CCDC149: variants seen among roughly 807,000 people sequenced by gnomAD.
CCDC149 encodes the protein coiled-coil domain containing 149, also known as coiled-coil domain-containing protein 149.
A neutral mutation model predicts 59.9 loss-of-function variants in CCDC149; 45 were observed. The ratio of observed to expected loss-of-function variants is 0.75; its 90% CI spans 0.59 to 0.96. The LOEUF (loss-of-function observed/expected upper bound fraction) is 0.96. Ranked by LOEUF, CCDC149 falls within the 40% of genes least tolerant of loss-of-function variation. The pLI is 0.00. For missense variants in CCDC149, 584 were observed against 664.7 expected (o/e 0.88, Z 1.33); for synonymous variants, 245 against 260.6 (o/e 0.94, Z 0.58).
intron 4 of CCDC149, among the ~76,000 whole-genome samples, chr4:24,840,136 AAAAGT>A (rs796703169): frequency 1.6e-4 from 25 of 152,340 alleles, no homozygotes; most frequent in African/African-American, 5.8e-4. Context: ...ATGACTAAAG[AAAAGT>A]AAAGTGCATT....
At chr4:24,818,348 G>A (rs1396290160) in intron 12 of CCDC149, among the ~76,000 whole-genome samples, 10 of 152,146 alleles carry the variant, frequency 6.6e-5, no homozygotes, top group Non-Finnish European at 4.4e-5. Flanking sequence ...GGGAAATGTG[G>A]GTGTAACTCT....
At chr4:24,935,543 T>A (rs973394057) in intron 1 of CCDC149, among the ~76,000 whole-genome samples, 10 of 152,120 alleles carry the variant, frequency 6.6e-5, no homozygotes, top group Middle Eastern at 3.4e-3. Flanking sequence ...CCCTCATGAG[T>A]GGGATTCGTG....
At position 24,940,064 on chromosome 4, in the gene CCDC149, G is replaced by A. The variant is rs371363026; in HGVS notation, c.-65+40005C>T. On this transcript the variant is annotated intron_variant, in intron 1 of 12. Transcript: ENST00000389609. The stretch of plus-strand genomic sequence containing the variant: ...AGAGAATGCCACAAAGATACTCCTC[G>A]AGAAGAGCAACTCCAAGACACATAA... Among the ~76,000 whole-genome samples the A allele has an allele frequency of 3.8e-4, 58 of 152,242 alleles. 2 individuals carry two copies. In the Middle Eastern group the frequency reaches 0.01, roughly 27 times the overall value.
At chr4:24,822,849 C>A in intron 9 of CCDC149, 1 of 267,932 alleles carries the variant, frequency 3.7e-6, no homozygotes, top group Non-Finnish European at 6.9e-6. Context: ...AATGATGACT[C>A]CACCGCTGCC....
At chr4:24,938,839 G>C (rs1287484563) in intron 1 of CCDC149, among the ~76,000 whole-genome samples, 1 of 152,242 alleles carries the variant, frequency 6.6e-6, no homozygotes, top group Admixed American at 6.5e-5. Context: ...CATCAGCGAG[G>C]CTGGGTGAGG....
At chr4:24,923,874 C>T (rs1722366913) in intron 1 of CCDC149, among the ~76,000 whole-genome samples, 1 of 152,198 alleles carries the variant, frequency 6.6e-6, no homozygotes, top group Non-Finnish European at 1.5e-5. Context: ...AGACAGGTTG[C>T]CAGGGCAGCC....
intron 4 of CCDC149, among the ~76,000 whole-genome samples, chr4:24,843,107 C>T (rs185304156): frequency 4.6e-5 from 7 of 152,360 alleles, no homozygotes; most frequent in African/African-American, 1.4e-4. Flanking sequence ...GTGGAGATCA[C>T]TTTACCACAA....
At chr4:24,933,883 G>C (rs1405418375) in intron 1 of CCDC149, among the ~76,000 whole-genome samples, 1 of 152,144 alleles carries the variant, frequency 6.6e-6, no homozygotes, top group Non-Finnish European at 1.5e-5. Flanking sequence ...TGGTTCTTCT[G>C]CTCCATGTGA....
intron 4 of CCDC149, among the ~76,000 whole-genome samples, chr4:24,839,002 T>A (rs1324273447): frequency 2.4e-4 from 13 of 54,750 alleles, no homozygotes; most frequent in Non-Finnish European, 3.4e-4. Flanking sequence ...TACTAAGAAC[T>A]CTCTCTCTCT....
intron 1 of CCDC149, among the ~76,000 whole-genome samples, chr4:24,882,476 A>G (rs926600035): frequency 6.6e-5 from 10 of 152,194 alleles, no homozygotes; most frequent in Admixed American, 6.5e-5. Flanking sequence ...GGGATAAATG[A>G]TATCGTTGAA....
intron 1 of CCDC149, among the ~76,000 whole-genome samples, chr4:24,891,236 AT>A (rs1325402376): frequency 6.6e-6 from 1 of 152,242 alleles, no homozygotes; most frequent in Non-Finnish European, 1.5e-5. Context: ...ATTCTGGGAC[AT>A]TGGTGGGTGT....
At chr4:24,868,581 T>C (rs754444885) in intron 3 of CCDC149, among the ~76,000 whole-genome samples, 1 of 152,144 alleles carries the variant, frequency 6.6e-6, no homozygotes, top group Non-Finnish European at 1.5e-5. Flanking sequence ...ACAATAACTA[T>C]ATTATTGGTC....
At chr4:24,974,759 G>C (rs1405700477) in intron 1 of CCDC149, among the ~76,000 whole-genome samples, 1 of 152,184 alleles carries the variant, frequency 6.6e-6, no homozygotes, top group Non-Finnish European at 1.5e-5. Context: ...GGGACTCAGG[G>C]TCTCCCTGAT....
chr4:24,814,002 A>G (rs1402641047), intron 12 of CCDC149, among the ~76,000 whole-genome samples: 1 of 152,230 alleles, frequency 6.6e-6, no homozygotes, highest in Non-Finnish European at 1.5e-5. Context: ...GCCACACCCT[A>G]TAGCTCTAAT....
chr4:24,878,907 C>A (rs544890795), intron 1 of CCDC149, among the ~76,000 whole-genome samples: 1 of 152,148 alleles, frequency 6.6e-6, no homozygotes, highest in Non-Finnish European at 1.5e-5. Context: ...TCACAAGGCA[C>A]GGTCCAAATA....
In CCDC149 at chr4:24,964,192, T is replaced by TA. The variant is rs377278394; in HGVS notation, c.-65+15876dup. On this transcript the variant is annotated intron_variant, in intron 1 of 12. Coordinates refer to the CCDC149 transcript ENST00000389609. Reference sequence around the variant, plus strand: ...CTGGGCAACAGAGTGAGACCCTATCTAAAAAAAAAAAAAAAAAAAGAGCCA... The same window carrying TA: ...CTGGGCAACAGAGTGAGACCCTATCTAAAAAAAAAAAAAAAAAAAAGAGCCA... Among the ~76,000 whole-genome samples, 695 of 119,180 alleles carry TA rather than the reference T, an allele frequency of 5.8e-3. 2 individuals carry two copies. The highest frequency in any genetic ancestry group is 7.5e-3 in the Non-Finnish European group (449 of 59,778). 78.2% of individuals were successfully genotyped at this position (119,180 alleles called of 152,430 possible).
At chr4:24,895,009 C>T (rs1720757086) in intron 1 of CCDC149, 3 of 1,536,112 alleles carry the variant, frequency 2.0e-6, no homozygotes, top group South Asian at 1.2e-5. Context: ...TCCCAAGTGG[C>T]CGCTCTGGCG....
chr4:24,950,804 T>A (rs1467243100), intron 1 of CCDC149, among the ~76,000 whole-genome samples: 1 of 152,236 alleles, frequency 6.6e-6, no homozygotes, highest in Non-Finnish European at 1.5e-5. Context: ...CAAACTTCTT[T>A]CCCAATTCAG....
chr4:24,890,024 T>C (rs573644335), intron 1 of CCDC149, among the ~76,000 whole-genome samples: 6 of 152,274 alleles, frequency 3.9e-5, no homozygotes, highest in African/African-American at 1.4e-4. Context: ...AATTGATTCC[T>C]TGACCGTTCT....
Sources: allele counts gnomAD v4.1 joint callset (sites outside exome capture counted in the v4.1 genomes callset), GRCh38; gene constraint gnomAD v4.1.1; transcripts MANE v1.5; gene names NCBI Gene and HGNC (gene_info 2026-07-23, HGNC 2026-07-21).